ENAH: variants seen among roughly 807,000 people sequenced by gnomAD.
ENAH encodes ENAH actin regulator, also known as protein enabled homolog.
In ENAH, 23 loss-of-function variants were observed where a neutral mutation model predicts 78.7. The ratio of observed to expected loss-of-function variants is 0.29; its 90% CI spans 0.21 to 0.41. ENAH has a LOEUF of 0.41. Ranked by LOEUF, ENAH falls within the 10% of genes least tolerant of loss-of-function variation. The probability of loss-of-function intolerance (pLI) is 1.00; values close to 1 mark genes in which losing one functional copy is unlikely to be tolerated. For synonymous variants in ENAH, 226 were observed against 241.0 expected (o/e 0.94, Z 0.58); for missense variants, 544 against 691.0 (o/e 0.79, Z 2.39).
intron 1 of ENAH, among the ~76,000 whole-genome samples, chr1:225,639,120 C>T (rs1660572345): frequency 6.6e-6 from 1 of 152,000 alleles, no homozygotes. Context: ...AAGATGTAGG[C>T]CTTTATGAAG....
intron 10 of ENAH, among the ~76,000 whole-genome samples, chr1:225,509,286 C>T (rs1241682505): frequency 1.3e-5 from 2 of 152,084 alleles, no homozygotes; most frequent in Admixed American, 6.6e-5. Flanking sequence ...GGGAAGGGAA[C>T]GGTCATCGGA....
intron 1 of ENAH, among the ~76,000 whole-genome samples, chr1:225,592,493 C>T (rs2096881828): frequency 2.0e-5 from 3 of 152,136 alleles, no homozygotes; most frequent in Non-Finnish European, 4.4e-5. Flanking sequence ...TCTGAGAATC[C>T]GCGATGTTTA....
At chr1:225,518,364 T>A (rs1319634055) in intron 5 of ENAH, among the ~76,000 whole-genome samples, 1 of 152,202 alleles carries the variant, frequency 6.6e-6, no homozygotes, top group Non-Finnish European at 1.5e-5. Flanking sequence ...TTTAGTTGTT[T>A]TTTTAAAAAC....
Position 225,494,612 on chromosome 1 carries a change from G to C in ENAH, c.*3163C>G, listed in dbSNP as rs1397191309. On this transcript the variant is annotated 3_prime_UTR_variant, in exon 14 of 14. Transcript: ENST00000366843. ...ACCCAACAGTTATTTCAAACAAAAAGTAGACACATCATCACATATTTCTTT... is the reference window on the plus strand; with the variant it reads ...ACCCAACAGTTATTTCAAACAAAAACTAGACACATCATCACATATTTCTTT... The C allele has an allele frequency of 6.6e-6, 1 of 152,146 alleles. No homozygotes were observed. The highest frequency in any genetic ancestry group is 6.5e-5 in the Admixed American group (1 of 15,272). The allele number at this position is 152,146 out of a possible 1,614,324, so 9.4% of individuals were successfully genotyped here.
intron 1 of ENAH, among the ~76,000 whole-genome samples, chr1:225,623,647 G>A (rs1349136500): frequency 1.3e-5 from 2 of 150,198 alleles, no homozygotes; most frequent in East Asian, 3.9e-4. Flanking sequence ...GTGCAGTGGT[G>A]CAATCTCGGC....
At chr1:225,504,910 A>C (rs962863519) in intron 11 of ENAH, 4 of 1,024,458 alleles carry the variant, frequency 3.9e-6, no homozygotes, top group Non-Finnish European at 5.7e-6. Flanking sequence ...GGTGATTACC[A>C]ATCCAGGTAG....
intron 1 of ENAH, among the ~76,000 whole-genome samples, chr1:225,574,307 T>C (rs995841750): frequency 2.0e-5 from 3 of 152,130 alleles, no homozygotes; most frequent in Admixed American, 6.6e-5. Flanking sequence ...AGCTCAGTTA[T>C]ATAAGATTGT....
At chr1:225,535,578 T>C (rs1417545508) in intron 3 of ENAH, 1 of 1,301,724 alleles carries the variant, frequency 7.7e-7, no homozygotes, top group Non-Finnish European at 1.0e-6. Flanking sequence ...AACAGACACC[T>C]TGGTGTTAGA....
At chr1:225,551,166 T>C (rs150845960) in intron 3 of ENAH, among the ~76,000 whole-genome samples, 13 of 152,338 alleles carry the variant, frequency 8.5e-5, no homozygotes, top group African/African-American at 2.6e-4. Context: ...AGAGCACTAA[T>C]TCAGCTCTTT....
intron 1 of ENAH, among the ~76,000 whole-genome samples, chr1:225,589,613 G>A (rs1175093663): frequency 6.6e-6 from 1 of 152,086 alleles, no homozygotes; most frequent in Non-Finnish European, 1.5e-5. Context: ...GTAAATAGTT[G>A]TTATACTGCA....
intron 1 of ENAH, among the ~76,000 whole-genome samples, chr1:225,615,388 C>G (rs919131548): frequency 6.6e-6 from 1 of 152,100 alleles, no homozygotes; most frequent in Non-Finnish European, 1.5e-5. Context: ...GATCTCGGCT[C>G]GCTACAACCT....
intron 3 of ENAH, among the ~76,000 whole-genome samples, chr1:225,549,252 T>G (rs1378541630): frequency 2.6e-5 from 4 of 152,230 alleles, no homozygotes; most frequent in African/African-American, 9.6e-5. Flanking sequence ...TCTTTGGGAT[T>G]CTTTTCAGGT....
At chr1:225,544,447 T>C (rs891853518) in intron 3 of ENAH, among the ~76,000 whole-genome samples, 2 of 152,128 alleles carry the variant, frequency 1.3e-5, no homozygotes, top group Admixed American at 1.3e-4. Flanking sequence ...ATAAGGTGCC[T>C]AACTGCCAGA....
chr1:225,519,815 A>G (rs2096453643), intron 4 of ENAH, among the ~76,000 whole-genome samples: 1 of 152,182 alleles, frequency 6.6e-6, no homozygotes, highest in Non-Finnish European at 1.5e-5. Flanking sequence ...TTTATTCTGT[A>G]CTTTTCATGA....
chr1:225,517,301 G>A lies in ENAH; in HGVS notation c.808C>T (p.Pro270Ser), dbSNP rs1365053482. 5.8e-6 allele frequency: 9 copies of A among 1,551,788 alleles called. No homozygotes were observed. Among genetic ancestry groups the A allele is most frequent in the African/African-American group, 4.1e-5 (3 of 73,172 alleles). Residue 270 changes from proline (P) to serine (S), a missense_variant, in exon 6 of 14, where the codon CCT becomes TCT. By Grantham distance (74) the Pro-to-Ser change is moderately conservative. This residue lies in a region of ENAH where 366 missense variants were observed against 396.1 expected (regional missense o/e 0.92). Transcript: ENST00000366843. ...RERRISSAAAPASVETPLNSV... is the reference protein window; with the variant it reads ...RERRISSAAASASVETPLNSV... The stretch of plus-strand genomic sequence containing the variant: ...TTTAGAGGAGTCTCAACAGAGGCAG[G>A]GGCAGCTGCAGAGGGAGAAGGGAGA...
chr1:225,507,656 C>T (rs903215097), intron 11 of ENAH, among the ~76,000 whole-genome samples: 18 of 152,016 alleles, frequency 1.2e-4, no homozygotes, highest in African/African-American at 4.3e-4. Context: ...ACTGTACTAT[C>T]CTTTTAATTT....
rs967247709 is a variant in ENAH, at chr1:225,488,856, C to T, written c.*8919G>A. ...TAAGACGAAGCAAAGACTCAGAGCC[C>T]TCAAATGGCACGGAAGCGGCACCTG... On this transcript the variant is annotated 3_prime_UTR_variant, in exon 14 of 14. Transcript: ENST00000366843. 6.6e-6 allele frequency: 1 copy of T among 152,222 alleles called. No individual in the cohort carries two copies. Among genetic ancestry groups the T allele is most frequent in the African/African-American group, 2.4e-5 (1 of 41,460 alleles). 9.4% of individuals were successfully genotyped at this position (152,222 alleles called of 1,614,324 possible).
At position 225,504,880 on chromosome 1, in the gene ENAH, G is replaced by GA. The variant is rs200674053; in HGVS notation, c.1538+3070dup. ...ATTTTTAAAAGGTATTCAAAATAAA[G>GA]AAAAAAAAATCTCCCTTGTGGTGAT... On this transcript the variant is annotated intron_variant, in intron 11 of 13. Coordinates refer to ENST00000366843, the MANE Select transcript of ENAH (RefSeq NM_018212.6). The GA allele has an allele frequency of 1.7e-3, 1,058 of 630,570 alleles. 1 individual carries two copies. The highest frequency in any genetic ancestry group is 5.3e-3 in the African/African-American group (283 of 53,264). 39.1% of individuals were successfully genotyped at this position (630,570 alleles called of 1,614,324 possible). A position where few individuals can be genotyped will look rare whatever the true frequency, so the allele number is the denominator to read the frequency against.
At chr1:225,644,522 A>AT (rs1661612480) in intron 1 of ENAH, among the ~76,000 whole-genome samples, 1 of 152,212 alleles carries the variant, frequency 6.6e-6, no homozygotes, top group Non-Finnish European at 1.5e-5. Context: ...TATAATAATT[A>AT]TTAAGACTGC....
Sources: allele counts gnomAD v4.1 joint callset (sites outside exome capture counted in the v4.1 genomes callset), GRCh38; gene constraint gnomAD v4.1.1; regional missense constraint gnomAD v4.1.1; transcripts MANE v1.5; gene names NCBI Gene and HGNC (gene_info 2026-07-23, HGNC 2026-07-21).